Variants in PCM1 observed in about 807,000 individuals in gnomAD.
PCM1 encodes the protein pericentriolar material 1.
In PCM1, 157 loss-of-function variants were observed where a neutral mutation model predicts 241.9. The observed-to-expected ratio is 0.65, with a 90% CI of 0.57 to 0.74. The LOEUF (loss-of-function observed/expected upper bound fraction) is 0.74. PCM1 is among the 30% of genes least tolerant of loss of function. The pLI is 0.00. For missense variants in PCM1, 3,478 were observed against 2,360.1 expected (o/e 1.47, Z -9.81); for synonymous variants, 1,085 against 784.9 (o/e 1.38, Z -6.39).
chr8:17,930,302 A>G (rs2058583637), intron 2 of PCM1, among the ~76,000 whole-genome samples: 1 of 151,378 alleles, frequency 6.6e-6, no homozygotes, highest in Non-Finnish European at 1.5e-5. Flanking sequence ...ACAGGGTTTC[A>G]CCGTGTTAGC....
chr8:17,999,861 C>T (rs981357652), intron 29 of PCM1, among the ~76,000 whole-genome samples: 2 of 152,030 alleles, frequency 1.3e-5, no homozygotes, highest in African/African-American at 4.8e-5. Context: ...GGATCCACAA[C>T]ATTCATTCCA....
intron 29 of PCM1, among the ~76,000 whole-genome samples, chr8:18,000,851 C>T (rs988097114): frequency 6.6e-6 from 1 of 152,140 alleles, no homozygotes; most frequent in African/African-American, 2.4e-5. Flanking sequence ...TCAAGTGATG[C>T]ACCCGCCTGG....
Position 17,979,731 on chromosome 8 carries a change from T to C in PCM1, c.3944-860T>C, listed in dbSNP as rs755110254. Among the ~76,000 whole-genome samples the C allele has an allele frequency of 3.3e-5, 5 of 152,300 alleles. No homozygotes were observed. In the East Asian group the frequency reaches 9.6e-4, roughly 29 times the overall value. On this transcript the variant is annotated intron_variant, in intron 23 of 38. Transcript: ENST00000325083. Reference sequence around the variant, plus strand: ...TATTAAATACCATTTCTCCTGAGATTAATACATACTTTTAATTTGATTCCA... The same window carrying C: ...TATTAAATACCATTTCTCCTGAGATCAATACATACTTTTAATTTGATTCCA...
chr8:17,988,893 A>G (rs1205823488), intron 26 of PCM1, among the ~76,000 whole-genome samples: 1 of 151,978 alleles, frequency 6.6e-6, no homozygotes, highest in African/African-American at 2.4e-5. Flanking sequence ...CTTGGAAAGC[A>G]GTTTGGCAGT....
chr8:17,932,601 A>G (rs1180230009), intron 2 of PCM1, among the ~76,000 whole-genome samples: 2 of 152,056 alleles, frequency 1.3e-5, no homozygotes, highest in South Asian at 2.1e-4. Context: ...TAACAAAGGT[A>G]TTAACTATAC....
chr8:17,999,009 G>C (rs1402207037), intron 29 of PCM1, among the ~76,000 whole-genome samples: 1 of 152,030 alleles, frequency 6.6e-6, no homozygotes, highest in African/African-American at 2.4e-5. Context: ...TCAGCTTGTG[G>C]TGAATGCTGC....
At chr8:17,978,123 T>C (rs1587621578) in intron 23 of PCM1, among the ~76,000 whole-genome samples, 1 of 152,190 alleles carries the variant, frequency 6.6e-6, no homozygotes, top group Non-Finnish European at 1.5e-5. Context: ...CATTAAGTTT[T>C]AATGTTTAGA....
rs1034494406 is a variant in PCM1, at chr8:17,963,279, G to C, written c.2642G>C (p.Ser881Thr). The C allele has an allele frequency of 1.3e-6, 2 of 1,583,772 alleles. No individual in the cohort carries two copies. Among genetic ancestry groups the C allele is most frequent in the African/African-American group, 2.7e-5 (2 of 72,828 alleles). ...GSENLCTPQQ[S>T]RTEKTMATWG... ...GAGAACCTATGTACTCCTCAGCAAA[G>C]TAGAACAGAAAAGTAAGAGAGCTGC... The change falls in exon 17 of 39, where the codon AGT (serine) becomes ACT (threonine). Residue 881 changes from serine to threonine, a missense_variant. Transcript: ENST00000325083.
intron 25 of PCM1, among the ~76,000 whole-genome samples, 168 bp from the exon 26 acceptor site, chr8:17,985,791 T>C (rs2082386799): frequency 6.6e-6 from 1 of 151,752 alleles, no homozygotes; most frequent in South Asian, 2.1e-4. Context: ...ATTAAAGTAT[T>C]TTTTTTGAGT....
At chr8:17,933,197 A>C (rs547534929) in intron 2 of PCM1, among the ~76,000 whole-genome samples, 64 of 152,214 alleles carry the variant, frequency 4.2e-4, no homozygotes, top group Non-Finnish European at 8.2e-4. Flanking sequence ...GTGGTAAGCA[A>C]AATAAAATGC....
intron 6 of PCM1, chr8:17,940,081 T>G: frequency 6.3e-7 from 1 of 1,581,208 alleles, no homozygotes; most frequent in Non-Finnish European, 8.5e-7. Flanking sequence ...GACTATAGAT[T>G]CAGCTGTGGG....
chr8:17,961,984 A>C, intron 15 of PCM1, 50 bp from the exon 16 acceptor site: 3 of 1,531,118 alleles, frequency 2.0e-6, no homozygotes, highest in Non-Finnish European at 2.7e-6. Context: ...TTATGAAATT[A>C]ATATAATTGC....
intron 36 of PCM1, among the ~76,000 whole-genome samples, chr8:18,021,092 T>A (rs550161999): frequency 6.6e-6 from 1 of 152,304 alleles, no homozygotes; most frequent in East Asian, 1.9e-4. Flanking sequence ...TCAGGATAAT[T>A]TGTTCAGTAA....
At chr8:17,928,116 A>G (rs563569872) in intron 2 of PCM1, among the ~76,000 whole-genome samples, 5 of 152,254 alleles carry the variant, frequency 3.3e-5, no homozygotes, top group South Asian at 2.1e-4. Flanking sequence ...ACTTCTACCA[A>G]TTGTTTTCCT....
intron 30 of PCM1, among the ~76,000 whole-genome samples, 194 bp from the exon 31 acceptor site, chr8:18,009,353 T>C (rs1326018007): frequency 6.6e-6 from 1 of 152,216 alleles, no homozygotes. Context: ...TGTTCTTCCC[T>C]TGTGTATACT....
chr8:17,966,151 T>C lies in PCM1; in HGVS notation c.3008T>C (p.Ile1003Thr). The change falls in exon 19 of 39, where the codon ATC becomes ACC. Residue 1003 changes from isoleucine to threonine, a missense_variant. Transcript: ENST00000325083. ...GAGAAAGAACAATGGCAAGAACAAA[T>C]CAATCAGCTAAAGAAACAGCTTGAT... Reference protein sequence around the residue: ...VEEKEQWQEQINQLKKQLDFS... With the variant: ...VEEKEQWQEQTNQLKKQLDFS... 2.5e-6 allele frequency: 4 copies of C among 1,613,904 alleles called. No homozygotes were observed. The highest frequency in any genetic ancestry group is 3.4e-6 in the Non-Finnish European group (4 of 1,179,842).
intron 18 of PCM1, 26 bp downstream of exon 18, chr8:17,964,794 G>C: frequency 1.9e-6 from 3 of 1,578,156 alleles, no homozygotes; most frequent in Non-Finnish European, 2.6e-6. Context: ...TTAATTTTGT[G>C]CTTAATTTAA....
Position 17,953,162 on chromosome 8 carries a change from G to C in PCM1, c.1264G>C (p.Asp422His). 1 of 1,572,820 alleles carries C rather than the reference G, an allele frequency of 6.4e-7. No homozygotes were observed. Among genetic ancestry groups the C allele is most frequent in the Non-Finnish European group, 8.6e-7 (1 of 1,156,704 alleles). ...KLLGELHTLR[D>H]QHLNNSSSSP... ...GCTTGGAGAACTTCATACACTTCGA[G>C]ATCAGCATCTTAACAATTCATCATG... The change falls in exon 9 of 39, where the codon GAT (aspartate) becomes CAT (histidine). Residue 422 changes from aspartate to histidine, a missense_variant. Physicochemically the swap from Asp to His is moderately conservative, Grantham distance 81. Coordinates refer to ENST00000325083, the MANE Select transcript of PCM1 (RefSeq NM_006197.4).
At chr8:17,944,491 A>T (rs913586458) in intron 6 of PCM1, among the ~76,000 whole-genome samples, 1 of 152,192 alleles carries the variant, frequency 6.6e-6, no homozygotes, top group African/African-American at 2.4e-5. Flanking sequence ...GGTTCTCTGA[A>T]ATTGGACTAC....
Sources: gnomAD v4.1 joint callset for allele counts (sites outside exome capture counted in the v4.1 genomes callset) on GRCh38, gnomAD v4.1.1 for gene constraint, MANE v1.5 for transcripts, NCBI Gene and HGNC (gene_info 2026-07-23, HGNC 2026-07-21) for gene names.